PRKCA: variants seen among roughly 807,000 people sequenced by gnomAD.
PRKCA encodes protein kinase C alpha.
A neutral mutation model predicts 87.0 loss-of-function variants in PRKCA; 27 were observed. The ratio of observed to expected loss-of-function variants is 0.31; its 90% CI spans 0.23 to 0.43. The LOEUF (loss-of-function observed/expected upper bound fraction) is 0.43. PRKCA is among the 20% of genes least tolerant of loss of function. The probability of loss-of-function intolerance (pLI) is 1.00; values close to 1 mark genes in which losing one functional copy is unlikely to be tolerated. For missense variants in PRKCA, 518 were observed against 852.3 expected, an observed-to-expected ratio of 0.61 and a Z score of 4.88; for synonymous variants, 329 against 311.1, an observed-to-expected ratio of 1.06 and a Z score of -0.61.
rs1257897049 is a variant in PRKCA, at chr17:66,688,380, C to G, written c.765C>G (p.Phe255Leu). 6.2e-7 allele frequency: 1 copy of G among 1,614,080 alleles called. No individual in the cohort carries two copies. Among genetic ancestry groups the G allele is most frequent in the Admixed American group, 1.7e-5 (1 of 60,012 alleles). Residue 255 changes from phenylalanine (F) to leucine (L), a missense_variant, in exon 7 of 17, where the codon TTC becomes TTG. This residue lies in a region of PRKCA where 300 missense variants were observed against 496.8 expected (regional missense o/e 0.60). Coordinates refer to ENST00000413366, the MANE Select transcript of PRKCA (RefSeq NM_002737.3). Reference sequence around the variant, plus strand: ...GGGATCGAACAACAAGGAATGACTTCATGGGATCCCTTTCCTTTGGAGTTT... The same window carrying G: ...GGGATCGAACAACAAGGAATGACTTGATGGGATCCCTTTCCTTTGGAGTTT... ...WDWDRTTRNDFMGSLSFGVSE... is the reference protein window; with the variant it reads ...WDWDRTTRNDLMGSLSFGVSE...
intron 9 of PRKCA, among the ~76,000 whole-genome samples, chr17:66,733,095 G>A (rs553454959): frequency 6.7e-5 from 10 of 148,318 alleles, no homozygotes; most frequent in East Asian, 4.0e-4. Context: ...AGCTTACAGT[G>A]AGCCGAGATC....
chr17:66,480,470 G>A (rs1915732279), intron 2 of PRKCA, among the ~76,000 whole-genome samples: 1 of 152,140 alleles, frequency 6.6e-6, no homozygotes, highest in Admixed American at 6.5e-5. Flanking sequence ...ATGTGACCAG[G>A]CTTTGTCGCA....
At chr17:66,467,881 A>G (rs35166687) in intron 2 of PRKCA, among the ~76,000 whole-genome samples, 1 of 151,978 alleles carries the variant, frequency 6.6e-6, no homozygotes, top group Non-Finnish European at 1.5e-5. Flanking sequence ...AAAAACAAAA[A>G]CAAAAAATTA....
intron 3 of PRKCA, among the ~76,000 whole-genome samples, chr17:66,568,600 G>A (rs1030373865): frequency 1.4e-4 from 21 of 152,056 alleles, no homozygotes; most frequent in African/African-American, 5.1e-4. Flanking sequence ...AATGAAGTAG[G>A]GATGTTTTTA....
At chr17:66,566,479 GGTTTTTTTTTTT>G (rs975718849) in intron 3 of PRKCA, among the ~76,000 whole-genome samples, 7 of 74,704 alleles carry the variant, frequency 9.4e-5, no homozygotes, top group African/African-American at 1.9e-4. Context: ...GTTGTTTTTT[GGTTTTTTTTTTT>G]TTTTTTTTTT....
intron 8 of PRKCA, among the ~76,000 whole-genome samples, chr17:66,719,808 TTC>T (rs1395553985): frequency 6.6e-6 from 1 of 152,262 alleles, no homozygotes; most frequent in African/African-American, 2.4e-5. Flanking sequence ...TTAAATTTTG[TTC>T]TCTTTTTTCT....
intron 5 of PRKCA, among the ~76,000 whole-genome samples, chr17:66,654,359 A>C (rs80209307): frequency 3.5e-4 from 53 of 152,276 alleles, no homozygotes; most frequent in African/African-American, 1.3e-3. Flanking sequence ...CCAGGCCCCA[A>C]CTGGATGCTT....
chr17:66,537,716 C>T (rs1183549929), intron 3 of PRKCA, among the ~76,000 whole-genome samples: 1 of 152,130 alleles, frequency 6.6e-6, no homozygotes, highest in Non-Finnish European at 1.5e-5. Context: ...TTTCCACTTC[C>T]CCATTTCTGA....
At chr17:66,773,264 T>TGGC (rs1389472584) in intron 13 of PRKCA, among the ~76,000 whole-genome samples, 1 of 152,252 alleles carries the variant, frequency 6.6e-6, no homozygotes, top group African/African-American at 2.4e-5. Flanking sequence ...TTGTTGCAGT[T>TGGC]GGCTCTAGAT....
chr17:66,629,654 G>A (rs1432027189), intron 3 of PRKCA, among the ~76,000 whole-genome samples: 1 of 152,178 alleles, frequency 6.6e-6, no homozygotes, highest in Middle Eastern at 3.4e-3. Flanking sequence ...AACTAACCAA[G>A]TCTGTAATTA....
intron 3 of PRKCA, among the ~76,000 whole-genome samples, chr17:66,607,252 G>T (rs1324245496): frequency 6.6e-6 from 1 of 152,050 alleles, no homozygotes; most frequent in East Asian, 1.9e-4. Flanking sequence ...TTCATTAATT[G>T]TACTTTTGCC....
At chr17:66,347,531 G>C (rs909573405) in intron 2 of PRKCA, among the ~76,000 whole-genome samples, 1 of 152,136 alleles carries the variant, frequency 6.6e-6, no homozygotes, top group Admixed American at 6.5e-5. Context: ...TGTGTTGAAT[G>C]GCTCTTTTAT....
intron 5 of PRKCA, among the ~76,000 whole-genome samples, chr17:66,682,459 G>A (rs1972517877): frequency 6.6e-6 from 1 of 152,252 alleles, no homozygotes; most frequent in African/African-American, 2.4e-5. Flanking sequence ...TCCTCATAAA[G>A]GCTGCAGAAC....
chr17:66,303,276 G>C (rs983101880), intron 1 of PRKCA, among the ~76,000 whole-genome samples: 7 of 151,918 alleles, frequency 4.6e-5, no homozygotes, highest in African/African-American at 1.7e-4. Flanking sequence ...GTGGCGAAGG[G>C]GATCCCTCTC....
At chr17:66,794,543 C>T (rs1975617361) in intron 16 of PRKCA, among the ~76,000 whole-genome samples, 2 of 150,858 alleles carry the variant, frequency 1.3e-5, no homozygotes, top group South Asian at 2.1e-4. Context: ...TCCTGTATTC[C>T]TTTACCCAGG....
intron 3 of PRKCA, among the ~76,000 whole-genome samples, chr17:66,536,404 T>G (rs911868399): frequency 3.9e-5 from 6 of 152,098 alleles, no homozygotes; most frequent in Admixed American, 6.6e-5. Context: ...ATTAGAAAAA[T>G]AAAACCCACA....
At chr17:66,703,141 C>T (rs1198265804) in intron 8 of PRKCA, among the ~76,000 whole-genome samples, 3 of 152,094 alleles carry the variant, frequency 2.0e-5, no homozygotes, top group Non-Finnish European at 4.4e-5. Context: ...TAACCTTAGC[C>T]TACAGTAACT....
intron 8 of PRKCA, among the ~76,000 whole-genome samples, chr17:66,719,752 G>A (rs1440383139): frequency 6.6e-6 from 1 of 152,250 alleles, no homozygotes; most frequent in Admixed American, 6.5e-5. Context: ...GGAAGATAGA[G>A]CGAGACTCCG....
intron 16 of PRKCA, among the ~76,000 whole-genome samples, chr17:66,795,750 C>T (rs1387031550): frequency 6.6e-6 from 1 of 152,186 alleles, no homozygotes; most frequent in Non-Finnish European, 1.5e-5. Context: ...ATGGCCATTA[C>T]AACTTTTCTT....
Sources: gnomAD v4.1 joint callset for allele counts (sites outside exome capture counted in the v4.1 genomes callset) on GRCh38, gnomAD v4.1.1 for gene constraint, gnomAD v4.1.1 regional missense constraint, MANE v1.5 for transcripts, NCBI Gene and HGNC (gene_info 2026-07-23, HGNC 2026-07-21) for gene names.